The following CDC42SE2 variants were observed in gnomAD, a reference collection of about 807,000 sequenced individuals.
CDC42SE2 encodes CDC42 small effector 2.
A neutral mutation model predicts 11.5 loss-of-function variants in CDC42SE2; 3 were observed. The observed-to-expected ratio is 0.26, with a 90% CI of 0.12 to 0.67. CDC42SE2 has a LOEUF of 0.67. Ranked by LOEUF, CDC42SE2 falls within the 30% of genes least tolerant of loss-of-function variation. CDC42SE2 has a pLI of 0.80. For missense variants in CDC42SE2, 82 were observed against 106.8 expected (o/e 0.77, Z 1.02); for synonymous variants, 33 against 34.8 (o/e 0.95, Z 0.18).
chr5:131,267,825 A>G (rs966907133), intron 1 of CDC42SE2, among the ~76,000 whole-genome samples: 31 of 152,284 alleles, frequency 2.0e-4, no homozygotes, highest in African/African-American at 5.8e-4. Context: ...CTGCTTTAAA[A>G]TGAGTCTGGG....
chr5:131,250,889 A>G (rs1342965413), intron 1 of CDC42SE2, among the ~76,000 whole-genome samples: 1 of 152,142 alleles, frequency 6.6e-6, no homozygotes. Flanking sequence ...AAAAAATACT[A>G]TGGTAATATT....
intron 2 of CDC42SE2, among the ~76,000 whole-genome samples, chr5:131,322,602 C>A (rs1758215398): frequency 6.6e-6 from 1 of 152,130 alleles, no homozygotes; most frequent in Admixed American, 6.5e-5. Context: ...TGGCATCAGT[C>A]TTGTAAGTAG....
chr5:131,322,216 T>C (rs1405786806), intron 2 of CDC42SE2, among the ~76,000 whole-genome samples: 2 of 152,186 alleles, frequency 1.3e-5, no homozygotes, highest in Non-Finnish European at 2.9e-5. Context: ...CATTTCTGAG[T>C]GTACAGTTGA....
intron 2 of CDC42SE2, among the ~76,000 whole-genome samples, chr5:131,334,044 T>A (rs1490127645): frequency 6.6e-6 from 1 of 152,138 alleles, no homozygotes; most frequent in African/African-American, 2.4e-5. Context: ...CTTGTGCCAG[T>A]TTTCAAAGGG....
chr5:131,320,493 G>A (rs1758164651), intron 2 of CDC42SE2, among the ~76,000 whole-genome samples: 2 of 151,374 alleles, frequency 1.3e-5, no homozygotes, highest in South Asian at 2.1e-4. Context: ...TGTAATCCCA[G>A]CACTTTGGGA....
At chr5:131,285,675 A>T (rs746812413) in intron 1 of CDC42SE2, among the ~76,000 whole-genome samples, 2 of 152,218 alleles carry the variant, frequency 1.3e-5, no homozygotes, top group African/African-American at 4.8e-5. Context: ...ATGGTAGGCA[A>T]TTTGGTACTT....
At chr5:131,221,282 A>AT in the CDC42SE2 span, among the ~76,000 whole-genome samples, 290 of 151,356 alleles carry the variant, frequency 1.9e-3, 1 homozygote, top group African/African-American at 6.2e-3. Context: ...TTCATAAAAC[A>AT]TTATGAGATT....
intron 2 of CDC42SE2, among the ~76,000 whole-genome samples, chr5:131,345,290 A>G (rs1758812230): frequency 6.6e-6 from 1 of 152,198 alleles, no homozygotes; most frequent in Admixed American, 6.5e-5. Context: ...CTAGAAAAAC[A>G]GTGTAGAGAA....
At chr5:131,373,999 A>G (rs1750081243) in intron 3 of CDC42SE2, among the ~76,000 whole-genome samples, 1 of 152,212 alleles carries the variant, frequency 6.6e-6, no homozygotes, top group African/African-American at 2.4e-5. Flanking sequence ...AAATCTGCCT[A>G]AAGTTACAAA....
At chr5:131,334,874 T>C (rs1010227088) in intron 2 of CDC42SE2, among the ~76,000 whole-genome samples, 4 of 152,162 alleles carry the variant, frequency 2.6e-5, no homozygotes, top group Non-Finnish European at 5.9e-5. Flanking sequence ...TTATTAGTCT[T>C]GCTAGCGGTC....
chr5:131,292,580 AAAC>A (rs1757481467), intron 1 of CDC42SE2, among the ~76,000 whole-genome samples: 1 of 149,682 alleles, frequency 6.7e-6, no homozygotes, highest in Non-Finnish European at 1.5e-5. Context: ...AAAAAACAAA[AAAC>A]AAAAAACTTG....
rs181715615 is a variant in CDC42SE2, at chr5:131,391,484, C to G, written c.*393C>G. The G allele has an allele frequency of 6.1e-3, 927 of 152,828 alleles. 4 individuals are homozygous for G. The highest frequency in any genetic ancestry group is 0.027 in the Middle Eastern group (8 of 294). 9.5% of individuals were successfully genotyped at this position (152,828 alleles called of 1,614,324 possible). ...GCCAGGAATTGGAGACTAGCCTGGC[C>G]AACATGGTGAAACCCCATCTCTACT... On this transcript the variant is annotated 3_prime_UTR_variant, in exon 5 of 5. Coordinates refer to ENST00000505065, the MANE Select transcript of CDC42SE2 (RefSeq NM_001375635.1).
At chr5:131,376,278 A>C (rs1180172066) in intron 3 of CDC42SE2, among the ~76,000 whole-genome samples, 1 of 152,036 alleles carries the variant, frequency 6.6e-6, no homozygotes, top group Non-Finnish European at 1.5e-5. Context: ...GAGAGTACAA[A>C]GGTGAACAAA....
intron 2 of CDC42SE2, among the ~76,000 whole-genome samples, chr5:131,347,581 C>G (rs1341352444): frequency 6.6e-6 from 1 of 152,166 alleles, no homozygotes; most frequent in Admixed American, 6.5e-5. Context: ...CAAAGAGGAG[C>G]TGGTACCATT....
intron 3 of CDC42SE2, among the ~76,000 whole-genome samples, chr5:131,369,832 C>T (rs1307707362): frequency 1.3e-5 from 2 of 152,134 alleles, no homozygotes; most frequent in Non-Finnish European, 2.9e-5. Flanking sequence ...TTTCAGAGTA[C>T]AGAAAAAGAC....
At chr5:131,271,194 CT>C (rs1321386704) in intron 1 of CDC42SE2, among the ~76,000 whole-genome samples, 4 of 152,092 alleles carry the variant, frequency 2.6e-5, no homozygotes, top group Non-Finnish European at 5.9e-5. Context: ...TTTCTTTAGT[CT>C]TTAAGGTAGT....
chr5:131,225,505 AG>A, the CDC42SE2 span, among the ~76,000 whole-genome samples: 1 of 152,248 alleles, frequency 6.6e-6, no homozygotes, highest in African/African-American at 2.4e-5. Flanking sequence ...ACAACCCCAC[AG>A]GATCACTTTT....
intron 1 of CDC42SE2, among the ~76,000 whole-genome samples, chr5:131,264,468 C>T (rs1756810745): frequency 6.6e-6 from 1 of 151,316 alleles, no homozygotes; most frequent in African/African-American, 2.4e-5. Context: ...CAACTGACCG[C>T]CTGATGTAAA....
chr5:131,337,846 G>C (rs578107882), intron 2 of CDC42SE2, among the ~76,000 whole-genome samples: 1 of 152,342 alleles, frequency 6.6e-6, no homozygotes, highest in East Asian at 1.9e-4. Context: ...GGAGTTACCC[G>C]ATTTTCCAGG....
Sources: allele counts gnomAD v4.1 joint callset (sites outside exome capture counted in the v4.1 genomes callset), GRCh38; gene constraint gnomAD v4.1.1; transcripts MANE v1.5; gene names NCBI Gene and HGNC (gene_info 2026-07-23, HGNC 2026-07-21).